The following SEPTIN11 variants were observed in gnomAD, a reference collection of about 807,000 sequenced individuals.
The protein encoded by SEPTIN11 is septin 11.
A neutral mutation model predicts 51.4 loss-of-function variants in SEPTIN11; 25 were observed. That is an observed-to-expected ratio of 0.49 (90% CI 0.35 to 0.68). SEPTIN11 has a LOEUF of 0.68. SEPTIN11 is among the 30% of genes least tolerant of loss of function. The pLI is 0.00. For synonymous variants in SEPTIN11, 174 were observed against 184.1 expected, an observed-to-expected ratio of 0.95 and a Z score of 0.44; for missense variants, 381 against 520.8, an observed-to-expected ratio of 0.73 and a Z score of 2.61.
chr4:77,013,273 G>A (rs767038920), intron 4 of SEPTIN11, among the ~76,000 whole-genome samples: 17 of 152,228 alleles, frequency 1.1e-4, no homozygotes, highest in Non-Finnish European at 2.2e-4. Context: ...TTTCAAAGAA[G>A]TGATATTGTT....
intron 1 of SEPTIN11, among the ~76,000 whole-genome samples, chr4:76,950,960 G>A (rs1721313396): frequency 6.6e-6 from 1 of 152,208 alleles, no homozygotes; most frequent in Non-Finnish European, 1.5e-5. Context: ...CTTTGGGGGC[G>A]CCTCGGGCGA....
chr4:76,957,097 C>T (rs868334691), intron 1 of SEPTIN11, among the ~76,000 whole-genome samples: 1 of 151,756 alleles, frequency 6.6e-6, no homozygotes, highest in South Asian at 2.1e-4. Context: ...GATGAGCTTC[C>T]AGGGACATCA....
At chr4:76,980,107 G>C (rs1370470786) in intron 1 of SEPTIN11, among the ~76,000 whole-genome samples, 2 of 152,142 alleles carry the variant, frequency 1.3e-5, no homozygotes, top group African/African-American at 4.8e-5. Flanking sequence ...GGATAAGAAA[G>C]TGGTAGAGCC....
intron 1 of SEPTIN11, among the ~76,000 whole-genome samples, chr4:76,966,618 T>C (rs1329640069): frequency 1.3e-5 from 2 of 152,042 alleles, no homozygotes; most frequent in Non-Finnish European, 2.9e-5. Context: ...TCCCAGCACT[T>C]TGGGAGGCCG....
At chr4:76,963,814 T>A (rs1024827251) in intron 1 of SEPTIN11, among the ~76,000 whole-genome samples, 2 of 152,194 alleles carry the variant, frequency 1.3e-5, no homozygotes, top group African/African-American at 4.8e-5. Flanking sequence ...TTATTTATTT[T>A]TTATTATACT....
At chr4:77,023,802 G>A (rs1725913822) in intron 7 of SEPTIN11, among the ~76,000 whole-genome samples, 1 of 152,158 alleles carries the variant, frequency 6.6e-6, no homozygotes, top group African/African-American at 2.4e-5. Flanking sequence ...ACAGAGTTAA[G>A]GAAAAGCAGA....
At chr4:77,018,309 C>A (rs1449505987) in intron 5 of SEPTIN11, among the ~76,000 whole-genome samples, 1 of 152,024 alleles carries the variant, frequency 6.6e-6, no homozygotes, top group Non-Finnish European at 1.5e-5. Context: ...ATTAGCTGGG[C>A]ATGGTGGCCG....
intron 7 of SEPTIN11, among the ~76,000 whole-genome samples, chr4:77,025,380 T>A (rs990851029): frequency 6.6e-6 from 1 of 151,710 alleles, no homozygotes; most frequent in Non-Finnish European, 1.5e-5. Context: ...CAACAAAAAA[T>A]TTTAAAAAAA....
rs181919150 is a variant in SEPTIN11 at position 76,987,736 on chromosome 4, C to T, written c.28-8689C>T. On this transcript the variant is annotated intron_variant, in intron 1 of 9. Transcript: ENST00000264893. ...CGTGAGGCCAGAATTTCTCCAGATA[C>T]TGGGAGGTGGCTGGTGGTCAGTCAA... The T allele has an allele frequency of 6.5e-5, 27 of 412,396 alleles. No homozygotes were observed. The East Asian group carries it at 2.7e-3, about 42-fold the overall frequency. 25.5% of individuals were successfully genotyped at this position (412,396 alleles called of 1,614,324 possible).
intron 1 of SEPTIN11, among the ~76,000 whole-genome samples, chr4:76,956,993 T>TGTGAGAGA (rs769320568): frequency 4.7e-4 from 46 of 98,582 alleles, no homozygotes; most frequent in Middle Eastern, 5.4e-3. Context: ...TGTGTGTGTG[T>TGTGAGAGA]GAGAGAGAGA....
chr4:77,032,161 TACTG>T (rs1478642436), intron 9 of SEPTIN11: 1 of 151,964 alleles, frequency 6.6e-6, no homozygotes, highest in Admixed American at 6.5e-5. Context: ...TACAATGACA[TACTG>T]AGAGAGTTTT....
intron 4 of SEPTIN11, 79 bp from the exon 5 acceptor site, chr4:77,014,773 TTTTA>T (rs1044814886): frequency 7.0e-6 from 10 of 1,426,314 alleles, no homozygotes; most frequent in African/African-American, 2.9e-5. Context: ...GTTTTGCAAT[TTTTA>T]TTTGTTTGCT....
intron 1 of SEPTIN11, among the ~76,000 whole-genome samples, chr4:76,991,598 G>T (rs1052869626): frequency 1.3e-5 from 2 of 152,216 alleles, no homozygotes; most frequent in Non-Finnish European, 1.5e-5. Context: ...ATCCAGAAGG[G>T]TTCTGCAAGC....
At chr4:76,958,154 T>TG (rs1231723707) in intron 1 of SEPTIN11, among the ~76,000 whole-genome samples, 9 of 152,226 alleles carry the variant, frequency 5.9e-5, no homozygotes, top group Non-Finnish European at 1.5e-5. Context: ...TGTGCCTACC[T>TG]GGCTGTTGCT....
rs1466457515 is a variant in SEPTIN11 at position 76,984,327 on chromosome 4, T to C, written c.28-12098T>C. 7.9e-5 allele frequency among the ~76,000 whole-genome samples: 12 copies of C among 152,104 alleles called. No individual in the cohort carries two copies. Among genetic ancestry groups the C allele is most frequent in the Admixed American group, 7.9e-4 (12 of 15,268 alleles). On this transcript the variant is annotated intron_variant, in intron 1 of 9. Transcript: ENST00000264893. The surrounding 1 kb of genome is among the most constrained non-coding windows in gnomAD (Gnocchi z 4.1). ...TGCTTGGAACTGGATTGGATTTTTT[T>C]TTTTTCTTCTCTCACAGAGACTGCC...
intron 1 of SEPTIN11, among the ~76,000 whole-genome samples, chr4:76,980,898 T>C (rs147436623): frequency 1.2e-3 from 176 of 152,320 alleles, no homozygotes; most frequent in African/African-American, 3.9e-3. Flanking sequence ...AGCAAGGATC[T>C]CTTGCCAAGC....
At chr4:77,038,674 G>T, downstream of SEPTIN11, 1 of 1,018,100 alleles carries the variant, frequency 9.8e-7, no homozygotes, top group Non-Finnish European at 1.2e-6. Flanking sequence ...ATATGTACAC[G>T]TGCTTACTGG....
At chr4:76,963,239 G>T (rs1175758251) in intron 1 of SEPTIN11, among the ~76,000 whole-genome samples, 2 of 152,140 alleles carry the variant, frequency 1.3e-5, no homozygotes, top group Non-Finnish European at 2.9e-5. Context: ...CTTGCACATT[G>T]GCTTTGCCAC....
chr4:77,019,242 C>A lies in SEPTIN11; in HGVS notation c.765C>A (p.Tyr255Ter). 1 of 1,612,794 alleles carries A rather than the reference C, an allele frequency of 6.2e-7. No individual in the cohort carries two copies. The highest frequency in any genetic ancestry group is 8.5e-7 in the Non-Finnish European group (1 of 1,179,552). ...ACAAGATGGCAAAGGCCAGGCAGTA[C>A]CCCTGGGGTGTGGTGCAGGGTATGT... is the stretch of plus-strand genomic sequence containing the variant. ...IGNKMAKARQ[Y>*]PWGVVQVENE... Residue 255 changes from tyrosine (Y) to a stop codon, truncating the protein, a stop_gained, in exon 6 of 10, where the codon TAC (tyrosine) becomes TAA (stop). Transcript: ENST00000264893. LOFTEE classifies it high-confidence loss of function.
Sources: gnomAD v4.1 joint callset for allele counts (sites outside exome capture counted in the v4.1 genomes callset) on GRCh38, gnomAD v4.1.1 for gene constraint, Gnocchi (gnomAD v3.1) non-coding constraint, MANE v1.5 for transcripts, NCBI Gene and HGNC (gene_info 2026-07-23, HGNC 2026-07-21) for gene names.